Variants in LAMB1 observed in about 807,000 individuals in gnomAD.
The protein encoded by LAMB1 is laminin subunit beta 1.
In LAMB1, 121 loss-of-function variants were observed where a neutral mutation model predicts 222.3. The ratio of observed to expected loss-of-function variants is 0.54; its 90% confidence interval spans 0.47 to 0.63. LAMB1 has a LOEUF of 0.63. Ranked by LOEUF, LAMB1 falls within the 30% of genes least tolerant of loss-of-function variation. LAMB1 has a pLI of 0.00. For synonymous variants in LAMB1, 794 were observed against 807.2 expected (o/e 0.98, Z 0.28); for missense variants, 2,172 against 2,240.8 (o/e 0.97, Z 0.62).
chr7:107,958,368 C>G (rs1344836607), intron 20 of LAMB1, among the ~76,000 whole-genome samples: 8 of 152,308 alleles, frequency 5.3e-5, no homozygotes, highest in African/African-American at 1.9e-4. Context: ...CACGTGTTTG[C>G]CTCCATGAAC....
In LAMB1 at chr7:107,975,751, T is replaced by C; in HGVS notation, c.1127A>G (p.Gln376Arg). ...QHNTMGRNCE[Q>R]CKPFYYQHPE... ...GTGCTGGTAGTAAAACGGCTTGCAC[T>C]GCTCACAGTTGCGCCCCATGGTGTT... is the stretch of plus-strand genomic sequence containing the variant. Residue 376 changes from glutamine to arginine, a missense_variant, in exon 10 of 34, where the codon CAG (glutamine) becomes CGG (arginine). By Grantham distance (43) the Gln-to-Arg change is conservative. Coordinates refer to ENST00000222399, the MANE Select transcript of LAMB1 (RefSeq NM_002291.3). 1 of 1,614,058 alleles carries C rather than the reference T, an allele frequency of 6.2e-7. No homozygotes were observed. The highest frequency in any genetic ancestry group is 8.5e-7 in the Non-Finnish European group (1 of 1,180,010).
Position 107,932,192 on chromosome 7 carries a change from C to T in LAMB1, c.4374G>A (p.Val1458=). The T allele has an allele frequency of 6.2e-7, 1 of 1,614,202 alleles. No individual in the cohort carries two copies. Among genetic ancestry groups the T allele is most frequent in the Non-Finnish European group, 8.5e-7 (1 of 1,180,048 alleles). Residue 1458 remains valine (V), a synonymous_variant, in exon 28 of 34, where the codon GTG becomes GTA. Transcript: ENST00000222399. ...DQDVLSALAE[V]EQLSKMVSEA... ...GAGTTACCATCTTGGAGAGCTGTTCCACTTCAGCCAGGGCACTCAGGACAT... is the reference window on the plus strand; with the variant it reads ...GAGTTACCATCTTGGAGAGCTGTTCTACTTCAGCCAGGGCACTCAGGACAT...
intron 7 of LAMB1, among the ~76,000 whole-genome samples, chr7:107,983,427 A>G (rs542161077): frequency 1.3e-3 from 205 of 152,268 alleles, no homozygotes; most frequent in Admixed American, 2.9e-3. Flanking sequence ...GCAAAACCCA[A>G]ACCAAAGCTG....
At chr7:108,003,079 G>T in intron 1 of LAMB1, 32 bp downstream of exon 1, 1 of 1,235,970 alleles carries the variant, frequency 8.1e-7, no homozygotes, top group Non-Finnish European at 1.1e-6. Flanking sequence ...TGGAAAGTGG[G>T]GAAAATCGTG....
chr7:107,992,525 T>C (rs924030490), intron 5 of LAMB1, among the ~76,000 whole-genome samples: 2 of 152,226 alleles, frequency 1.3e-5, no homozygotes, highest in African/African-American at 4.8e-5. Context: ...AATTACTATA[T>C]GCCAAGCATC....
Position 107,994,904 on chromosome 7 carries a change from G to T in LAMB1, c.406C>A (p.Leu136Ile). Residue 136 changes from leucine (L) to isoleucine (I), a missense_variant, in exon 5 of 34, where the codon CTC becomes ATC. Transcript: ENST00000222399. ...TTTCTTACCTTGAAAGTCATTATGA[G>T]ATGAGTAAAATGGAATTCTGCTTCC... ...DLEAEFHFTH[L>I]IMTFKTFRPA... The T allele has an allele frequency of 6.3e-7, 1 of 1,596,050 alleles. No homozygotes were observed.
intron 20 of LAMB1, among the ~76,000 whole-genome samples, chr7:107,955,991 G>A (rs1306237610): frequency 6.6e-6 from 1 of 152,232 alleles, no homozygotes; most frequent in Non-Finnish European, 1.5e-5. Flanking sequence ...TCCACCTCCT[G>A]GTTCAAACAA....
chr7:107,941,150 G>A (rs2032972548), intron 24 of LAMB1, among the ~76,000 whole-genome samples: 1 of 152,192 alleles, frequency 6.6e-6, no homozygotes, highest in South Asian at 2.1e-4. Flanking sequence ...AAGCCAAATG[G>A]CACAGGAAAA....
rs756177392 is a variant in LAMB1, at chr7:107,975,324, G to A, written c.1279C>T (p.Arg427Trp). 3 of 1,613,628 alleles carry A rather than the reference G, an allele frequency of 1.9e-6. No individual in the cohort carries two copies. The highest frequency in any genetic ancestry group is 2.2e-5 in the East Asian group (1 of 44,876). Residue 427 changes from arginine to tryptophan, a missense_variant, in exon 11 of 34, where the codon CGG becomes TGG. Arg to Trp is a moderately radical substitution (Grantham distance 101). Coordinates refer to ENST00000222399, the MANE Select transcript of LAMB1 (RefSeq NM_002291.3). ...FSTGLIAGQC[R>W]CKLNVEGEHC... ...TCTCCTTCCACATTTAATTTACACC[G>A]ACACTGGCCAGCAATGAGACCAGTA...
chr7:107,946,827 CTG>C (rs1235798291), intron 24 of LAMB1, among the ~76,000 whole-genome samples: 2 of 152,222 alleles, frequency 1.3e-5, no homozygotes, highest in East Asian at 1.9e-4. Flanking sequence ...AAAGAACACA[CTG>C]TGTTTTTCTA....
intron 20 of LAMB1, 60 bp downstream of exon 20, chr7:107,959,189 A>G: frequency 7.3e-7 from 1 of 1,377,640 alleles, no homozygotes; most frequent in Non-Finnish European, 1.0e-6. Flanking sequence ...TGGTTGGTCT[A>G]AGATGCTGTC....
At chr7:107,941,437 C>T (rs1335007914) in intron 24 of LAMB1, among the ~76,000 whole-genome samples, 1 of 152,184 alleles carries the variant, frequency 6.6e-6, no homozygotes, top group Admixed American at 6.5e-5. Flanking sequence ...GGATTGTGGA[C>T]TCCAAGGGCA....
At chr7:107,937,560 G>C (rs75399689) in intron 25 of LAMB1, among the ~76,000 whole-genome samples, 10 of 152,180 alleles carry the variant, frequency 6.6e-5, no homozygotes, top group African/African-American at 1.9e-4. Flanking sequence ...GCTGTAAGAT[G>C]AGCACAGGTC....
chr7:107,960,321 G>C (rs1310569810), intron 18 of LAMB1, 124 bp downstream of exon 18: 2 of 656,712 alleles, frequency 3.0e-6, no homozygotes, highest in African/African-American at 3.6e-5. Context: ...AACTGTAACT[G>C]AGACACTATT....
intron 5 of LAMB1, 26 bp downstream of exon 5, chr7:107,994,861 T>C: frequency 7.3e-7 from 1 of 1,370,678 alleles, no homozygotes; most frequent in Non-Finnish European, 1.0e-6. Flanking sequence ...CATGTGTCAT[T>C]TGTGAGAAAG....
intron 17 of LAMB1, 124 bp from the exon 18 acceptor site, chr7:107,960,773 T>C: frequency 1.4e-6 from 1 of 732,486 alleles, no homozygotes; most frequent in South Asian, 1.8e-5. Flanking sequence ...ATTAGACTCA[T>C]TAAATAAAGT....
At chr7:107,943,943 AC>A (rs2033054736) in intron 24 of LAMB1, among the ~76,000 whole-genome samples, 1 of 152,142 alleles carries the variant, frequency 6.6e-6, no homozygotes, top group Admixed American at 6.5e-5. Flanking sequence ...CTCAGGACTT[AC>A]GTAACAGAGG....
intron 24 of LAMB1, among the ~76,000 whole-genome samples, chr7:107,950,324 T>G (rs1322206248): frequency 3.3e-5 from 5 of 152,054 alleles, no homozygotes; most frequent in Non-Finnish European, 7.3e-5. Context: ...CAGAAAATTT[T>G]TATCCATAAT....
intron 24 of LAMB1, among the ~76,000 whole-genome samples, chr7:107,941,165 G>A (rs989172260): frequency 9.9e-5 from 15 of 152,194 alleles, no homozygotes; most frequent in South Asian, 2.1e-4. Flanking sequence ...GGAAAATCAC[G>A]TGCCGTACAG....
Sources: allele counts gnomAD v4.1 joint callset (sites outside exome capture counted in the v4.1 genomes callset), GRCh38; gene constraint gnomAD v4.1.1; transcripts MANE v1.5; gene names NCBI Gene and HGNC (gene_info 2026-07-23, HGNC 2026-07-21).